Variants in RNF6 observed in about 807,000 individuals in gnomAD.
The protein encoded by RNF6 is E3 ubiquitin-protein ligase RNF6.
Under a neutral mutation model 50.1 loss-of-function variants are expected in RNF6, and 21 were observed. The observed-to-expected ratio is 0.42, with a 90% CI of 0.30 to 0.60. The LOEUF is 0.60. Among genes scored for constraint, RNF6 ranks in the 20% least tolerant of loss-of-function variants. The probability of loss-of-function intolerance (pLI) is 0.20; values close to 1 mark genes in which losing one functional copy is unlikely to be tolerated. For synonymous variants in RNF6, 255 were observed against 291.8 expected, an observed-to-expected ratio of 0.87 and a Z score of 1.29; for missense variants, 698 against 838.2, an observed-to-expected ratio of 0.83 and a Z score of 2.07.
chr13:26,152,207 A>G (rs1264068632), intron 5 of RNF6, among the ~76,000 whole-genome samples: 1 of 152,212 alleles, frequency 6.6e-6, no homozygotes, highest in African/African-American at 2.4e-5. Flanking sequence ...TAACACATTC[A>G]ACACGTTTCA....
chr13:26,191,222 GGA>G (rs1314747427), intron 5 of RNF6, among the ~76,000 whole-genome samples: 6 of 152,070 alleles, frequency 3.9e-5, no homozygotes, highest in Non-Finnish European at 5.9e-5. Context: ...AATGGCTAAG[GGA>G]CATTCTTATC....
chr13:26,178,394 A>G (rs1206816224), intron 5 of RNF6, among the ~76,000 whole-genome samples: 1 of 150,442 alleles, frequency 6.6e-6, no homozygotes. Flanking sequence ...GGCCTCTTTT[A>G]TGAGGGCATT....
At chr13:26,146,927 T>C (rs1270556352) in intron 5 of RNF6, among the ~76,000 whole-genome samples, 1 of 152,200 alleles carries the variant, frequency 6.6e-6, no homozygotes, top group Non-Finnish European at 1.5e-5. Flanking sequence ...TCATGAGATC[T>C]GGTTGTTTGA....
chr13:26,163,269 G>A (rs987961172), intron 5 of RNF6, among the ~76,000 whole-genome samples: 4 of 151,174 alleles, frequency 2.6e-5, no homozygotes, highest in African/African-American at 9.7e-5. Flanking sequence ...TCGAGATCGC[G>A]CCATTGCACT....
intron 5 of RNF6, among the ~76,000 whole-genome samples, chr13:26,134,497 T>G (rs1176600562): frequency 1.3e-5 from 2 of 152,186 alleles, no homozygotes; most frequent in Non-Finnish European, 2.9e-5. Flanking sequence ...TTTGGTTTTT[T>G]GAGTTTTTTT....
intron 5 of RNF6, among the ~76,000 whole-genome samples, chr13:26,197,750 G>A (rs1335963166): frequency 6.6e-6 from 1 of 151,852 alleles, no homozygotes; most frequent in Non-Finnish European, 1.5e-5. Context: ...ATTAGGCTGG[G>A]TGCAGTGGCT....
intron 5 of RNF6, among the ~76,000 whole-genome samples, chr13:26,164,646 G>A (rs1872361806): frequency 6.6e-6 from 1 of 151,666 alleles, no homozygotes; most frequent in African/African-American, 2.4e-5. Context: ...GTTATTTTGT[G>A]TACCTGATAA....
intron 5 of RNF6, among the ~76,000 whole-genome samples, chr13:26,173,247 AGAAGTTAC>A (rs1301174798): frequency 6.6e-6 from 1 of 152,246 alleles, no homozygotes; most frequent in Non-Finnish European, 1.5e-5. Context: ...CATGTATGCA[AGAAGTTAC>A]GAACAAAGAT....
rs567225376 is a variant in RNF6 at position 26,201,077 on chromosome 13, T to C, written n.768+14397A>G. Among the ~76,000 whole-genome samples, 38 of 152,206 alleles carry C rather than the reference T, an allele frequency of 2.5e-4. No individual in the cohort carries two copies. The East Asian group carries it at 2.5e-3, about 10-fold the overall frequency. On this transcript the variant is annotated intron_variant and non_coding_transcript_variant, in intron 5 of 5. Coordinates refer to the RNF6 transcript ENST00000468480. ...TCATGCTGATAATTAATAGCATGAA[T>C]AGCAAATAAAAAACACCATGACAAG...
At chr13:26,191,172 A>T (rs1398787959) in intron 5 of RNF6, among the ~76,000 whole-genome samples, 11 of 152,206 alleles carry the variant, frequency 7.2e-5, no homozygotes, top group Admixed American at 3.9e-4. Flanking sequence ...TGTTCAATAC[A>T]CAATGTTGAG....
intron 5 of RNF6, among the ~76,000 whole-genome samples, chr13:26,202,257 A>C (rs956160261): frequency 2.0e-5 from 3 of 152,200 alleles, no homozygotes; most frequent in Non-Finnish European, 4.4e-5. Context: ...CAGATGAGAC[A>C]ATGAGCATGG....
chr13:26,138,678 T>C (rs1024671306), intron 5 of RNF6, among the ~76,000 whole-genome samples: 3 of 152,126 alleles, frequency 2.0e-5, no homozygotes, highest in African/African-American at 7.2e-5. Context: ...TCAAATGAGA[T>C]TGTTATAAAT....
chr13:26,160,633 C>T (rs1214188579), intron 5 of RNF6, among the ~76,000 whole-genome samples: 1 of 140,216 alleles, frequency 7.1e-6, no homozygotes, highest in African/African-American at 2.7e-5. Context: ...TAATATTATT[C>T]TATAAATTGT....
chr13:26,215,679 G>A (rs1430381084), intron 4 of RNF6, 87 bp from the exon 5 acceptor site: 1 of 1,162,224 alleles, frequency 8.6e-7, no homozygotes. Flanking sequence ...AACAAAGTTT[G>A]TAATAAATTA....
intron 5 of RNF6, among the ~76,000 whole-genome samples, chr13:26,169,682 C>G (rs1872605233): frequency 6.6e-6 from 1 of 152,196 alleles, no homozygotes; most frequent in South Asian, 2.1e-4. Flanking sequence ...CCAAAGAAGA[C>G]AGCACCCCAT....
Position 26,215,147 on chromosome 13 carries a change from A to G in RNF6, c.735T>C (p.Ile245=). Reference sequence around the variant, plus strand: ...TAGTGCGTGAAGCGTTAGCTCGAGGAATGCCAGCTGCTCCCCCAATTCCAT... The same window carrying G: ...TAGTGCGTGAAGCGTTAGCTCGAGGGATGCCAGCTGCTCCCCCAATTCCAT... The part of the protein sequence containing the change: ...LRNGIGGAAG[I]PRANASRTNF... The change falls in exon 5 of 5, where the codon ATT becomes ATC. Residue 245 remains isoleucine, a synonymous_variant. Coordinates refer to ENST00000381588, the MANE Select transcript of RNF6 (RefSeq NM_005977.4). 6.2e-7 allele frequency: 1 copy of G among 1,614,188 alleles called. No individual in the cohort carries two copies. The highest frequency in any genetic ancestry group is 8.5e-7 in the Non-Finnish European group (1 of 1,180,034).
At chr13:26,176,671 G>A (rs911962342) in intron 5 of RNF6, among the ~76,000 whole-genome samples, 2 of 152,220 alleles carry the variant, frequency 1.3e-5, no homozygotes, top group Non-Finnish European at 2.9e-5. Context: ...AGTGGCTCAC[G>A]CCTGTCATCC....
chr13:26,195,919 A>G (rs926487745), intron 5 of RNF6, among the ~76,000 whole-genome samples: 2 of 152,208 alleles, frequency 1.3e-5, no homozygotes, highest in Non-Finnish European at 2.9e-5. Context: ...TGATTTATTC[A>G]TCAGCATCGT....
chr13:26,203,707 A>G (rs529246171), intron 5 of RNF6, among the ~76,000 whole-genome samples: 2 of 152,236 alleles, frequency 1.3e-5, no homozygotes, highest in Non-Finnish European at 2.9e-5. Context: ...CACGCCTGTA[A>G]TCCCAGCACT....
Sources: gnomAD v4.1 joint callset for allele counts (sites outside exome capture counted in the v4.1 genomes callset) on GRCh38, gnomAD v4.1.1 for gene constraint, MANE v1.5 for transcripts, NCBI Gene and HGNC (gene_info 2026-07-23, HGNC 2026-07-21) for gene names.